Variants in TCF3 observed in about 807,000 individuals in gnomAD.
The protein encoded by TCF3 is transcription factor E2-alpha.
In TCF3, 54 loss-of-function variants were observed where a neutral mutation model predicts 72.3. That is an observed-to-expected ratio of 0.75 (90% confidence interval 0.60 to 0.94). The LOEUF (loss-of-function observed/expected upper bound fraction) is 0.94, where lower values mean the gene tolerates loss of function less well. Among genes scored for constraint, TCF3 ranks in the 40% least tolerant of loss-of-function variants. The probability of loss-of-function intolerance (pLI) is 0.00; values close to 1 mark genes in which losing one functional copy is unlikely to be tolerated. For missense variants in TCF3, 1,078 were observed against 934.4 expected (o/e 1.15, Z -2.00); for synonymous variants, 525 against 412.6 (o/e 1.27, Z -3.30).
Position 1,611,668 on chromosome 19 carries a change from G to C in TCF3, c.*39C>G, listed in dbSNP as rs755797183. 1.3e-6 allele frequency: 2 copies of C among 1,594,222 alleles called. No individual in the cohort carries two copies. Among genetic ancestry groups the C allele is most frequent in the South Asian group, 2.3e-5 (2 of 88,846 alleles). Reference sequence around the variant, plus strand: ...TGGCCGTTCTGGGGCCAGAGCACAGGGCTGAAAGCGGGTGGCTCGTCCCAC... The same window carrying C: ...TGGCCGTTCTGGGGCCAGAGCACAGCGCTGAAAGCGGGTGGCTCGTCCCAC... On this transcript the variant is annotated 3_prime_UTR_variant, in exon 19 of 19. Transcript: ENST00000262965.
chr19:1,633,218 A>G (rs1372172673), intron 3 of TCF3, among the ~76,000 whole-genome samples: 1 of 152,192 alleles, frequency 6.6e-6, no homozygotes, highest in Non-Finnish European at 1.5e-5. Flanking sequence ...GCCACAGAGC[A>G]CACCCGTGGA....
At chr19:1,637,827 C>A (rs1056497285) in intron 3 of TCF3, among the ~76,000 whole-genome samples, 6 of 151,764 alleles carry the variant, frequency 4.0e-5, no homozygotes, top group African/African-American at 1.2e-4. Context: ...GAGAATGGCG[C>A]GAACCCGGGA....
chr19:1,636,325 A>G (rs937216960), intron 3 of TCF3, among the ~76,000 whole-genome samples: 1 of 151,880 alleles, frequency 6.6e-6, no homozygotes, highest in African/African-American at 2.4e-5. Flanking sequence ...ACGCACAGCT[A>G]ATTTTTGTAT....
At chr19:1,650,028 G>A (rs1029732629) in intron 2 of TCF3, 149 bp downstream of exon 2, 17 of 728,068 alleles carry the variant, frequency 2.3e-5, no homozygotes, top group Admixed American at 2.0e-4. Flanking sequence ...GCCAGAGAGC[G>A]GCCCACTCCC....
intron 18 of TCF3, among the ~76,000 whole-genome samples, chr19:1,612,854 G>A (rs1299045695): frequency 6.7e-6 from 1 of 149,878 alleles, no homozygotes; most frequent in Non-Finnish European, 1.5e-5. Flanking sequence ...TACACGGCTG[G>A]TGTCGGGCAC....
rs374831661 is a variant in TCF3, at chr19:1,632,387, C to G, written c.164G>C (p.Ser55Thr). 3.1e-6 allele frequency: 5 copies of G among 1,595,752 alleles called. No homozygotes were observed. In the African/African-American group the frequency reaches 6.7e-5, roughly 21 times the overall value. ...FGGSGLEDRP[S>T]SGSWGSGDQS... ...GTCGCCGCTGCCCCAGGAGCCTGAG[C>G]TGGGCCGGTCCTCAAGACCTGCAGG... The change falls in exon 4 of 19, where the codon AGC becomes ACC. Residue 55 changes from serine to threonine, a missense_variant. Ser to Thr is a moderately conservative substitution (Grantham distance 58). Transcript: ENST00000262965.
rs1042833234 is a variant in TCF3, at chr19:1,646,252, G to A, written c.145+103C>T. On this transcript the variant is annotated intron_variant, in intron 3 of 18. Coordinates refer to ENST00000262965, the MANE Select transcript of TCF3 (RefSeq NM_003200.5). ...CGGCCTGTGTGGCCCTTTCCCCATT[G>A]TCTCCCTCCTTTGCTGCCCCAGCCT... 1.3e-5 allele frequency: 16 copies of A among 1,262,794 alleles called. No individual in the cohort carries two copies. In the Admixed American group the frequency reaches 2.8e-4, roughly 22 times the overall value. The allele number at this position is 1,262,794 out of a possible 1,614,324, so 78.2% of individuals were successfully genotyped here.
At chr19:1,651,600 A>G (rs963550663) in intron 1 of TCF3, among the ~76,000 whole-genome samples, 16 of 152,066 alleles carry the variant, frequency 1.1e-4, no homozygotes, top group Non-Finnish European at 2.4e-4. Flanking sequence ...AGAGACTTGG[A>G]GAATGTTTGA....
chr19:1,642,904 G>T (rs576410240), intron 3 of TCF3, among the ~76,000 whole-genome samples: 1 of 152,220 alleles, frequency 6.6e-6, no homozygotes, highest in Non-Finnish European at 1.5e-5. Context: ...CGGAGGTGCC[G>T]TTCTGTGGAT....
intron 18 of TCF3, chr19:1,612,334 A>G (rs2061088886): frequency 1.9e-6 from 3 of 1,613,920 alleles, no homozygotes; most frequent in Non-Finnish European, 2.5e-6. Flanking sequence ...AGGCCTCGTT[A>G]ATATCCCGCA....
At position 1,652,403 on chromosome 19, in the gene TCF3, TCGCGCGTGGGCGGCGGCGGCGG is replaced by T. The variant is rs1396265232; in HGVS notation, c.-165_-144del. 2 of 125,762 alleles carry T rather than the reference TCGCGCGTGGGCGGCGGCGGCGG, an allele frequency of 1.6e-5. No homozygotes were observed. Among genetic ancestry groups the T allele is most frequent in the Non-Finnish European group, 3.4e-5 (2 of 59,154 alleles). The allele number at this position is 125,762 out of a possible 1,614,324, so 7.8% of individuals were successfully genotyped here. On this transcript the variant is annotated 5_prime_UTR_variant, in exon 1 of 19. Coordinates refer to ENST00000262965, the MANE Select transcript of TCF3 (RefSeq NM_003200.5). Reference sequence around the variant, plus strand: ...TGCGTCGCGGCCGGGCCCCCGAGGGTCGCGCGTGGGCGGCGGCGGCGGCGCGCGTGGCCCGGGCCCCTCCCAC... The same window carrying T: ...TGCGTCGCGGCCGGGCCCCCGAGGGTCGCGCGTGGCCCGGGCCCCTCCCAC...
chr19:1,619,961 G>A (rs1035275893), intron 13 of TCF3, 108 bp from the exon 14 acceptor site: 2 of 992,568 alleles, frequency 2.0e-6, no homozygotes, highest in Admixed American at 2.3e-5. Flanking sequence ...AGCCTCCGGT[G>A]ATGCCCAAGA....
rs560259384 is a variant in TCF3, at chr19:1,652,359, GC to G, written c.-100del. The G allele has an allele frequency of 4.4e-3, 604 of 138,588 alleles. 1 individual carries two copies. The highest frequency in any genetic ancestry group is 0.013 in the African/African-American group (488 of 38,268). The allele number at this position is 138,588 out of a possible 1,614,324, so 8.6% of individuals were successfully genotyped here. A position where few individuals can be genotyped will look rare whatever the true frequency, so the allele number is the denominator to read the frequency against. On this transcript the variant is annotated 5_prime_UTR_variant, in exon 1 of 19. Coordinates refer to ENST00000262965, the MANE Select transcript of TCF3 (RefSeq NM_003200.5). The stretch of plus-strand genomic sequence containing the variant: ...GGGGGCGGCGGCATGAAGCGGGGGG[GC>G]CCCCCCCCGGACAAAGGTGCGTCGC...
At chr19:1,644,800 TCCCACCCCA>T (rs1427616681) in intron 3 of TCF3, among the ~76,000 whole-genome samples, 4 of 151,298 alleles carry the variant, frequency 2.6e-5, no homozygotes, top group African/African-American at 9.7e-5. Context: ...GGAAGACACC[TCCCACCCCA>T]CCCTCCCCAC....
chr19:1,651,744 C>A (rs2067108860), intron 1 of TCF3, among the ~76,000 whole-genome samples: 2 of 151,934 alleles, frequency 1.3e-5, no homozygotes, highest in South Asian at 2.1e-4. Context: ...CTTTGAAGCT[C>A]GCAGCGCGGC....
chr19:1,636,217 T>C (rs1433468838), intron 3 of TCF3, among the ~76,000 whole-genome samples: 2 of 152,030 alleles, frequency 1.3e-5, no homozygotes, highest in African/African-American at 4.8e-5. Context: ...TGGAGTGCAG[T>C]GGTGCGATCT....
chr19:1,643,408 A>C (rs1177822704), intron 3 of TCF3, among the ~76,000 whole-genome samples: 1 of 152,092 alleles, frequency 6.6e-6, no homozygotes, highest in Non-Finnish European at 1.5e-5. Context: ...TTTAGTAGAG[A>C]TGAGGTTTTG....
intron 6 of TCF3, among the ~76,000 whole-genome samples, chr19:1,626,829 C>T (rs1185582671): frequency 6.6e-6 from 1 of 151,626 alleles, no homozygotes; most frequent in Non-Finnish European, 1.5e-5. Context: ...GACGGCCCCA[C>T]CTGTGACAAG....
chr19:1,632,518 C>A, intron 3 of TCF3, 113 bp from the exon 4 acceptor site: 1 of 1,109,000 alleles, frequency 9.0e-7, no homozygotes, highest in Non-Finnish European at 1.3e-6. Context: ...CTTGTGGAAC[C>A]CTTCCTAACC....
Sources: gnomAD v4.1 joint callset for allele counts (sites outside exome capture counted in the v4.1 genomes callset) on GRCh38, gnomAD v4.1.1 for gene constraint, MANE v1.5 for transcripts, NCBI Gene and HGNC (gene_info 2026-07-23, HGNC 2026-07-21) for gene names.